C8orf34: variants seen among roughly 807,000 people sequenced by gnomAD.
C8orf34 encodes the protein chromosome 8 open reading frame 34, also known as uncharacterized protein C8orf34.
A neutral mutation model predicts 68.3 loss-of-function variants in C8orf34; 65 were observed. The observed-to-expected ratio is 0.95, with a 90% confidence interval of 0.78 to 1.17. The LOEUF is 1.17. Among genes scored for constraint, C8orf34 ranks in the 50% most tolerant of loss-of-function variants. The pLI is 0.00. For missense variants in C8orf34, 664 were observed against 655.4 expected, an observed-to-expected ratio of 1.01 and a Z score of -0.14; for synonymous variants, 244 against 241.2, an observed-to-expected ratio of 1.01 and a Z score of -0.11.
intron 1 of C8orf34, among the ~76,000 whole-genome samples, chr8:68,399,473 C>G (rs1234118593): frequency 6.6e-6 from 1 of 152,106 alleles, no homozygotes; most frequent in Non-Finnish European, 1.5e-5. Flanking sequence ...CCATCTATGT[C>G]ACTGCAAAAG....
At chr8:68,651,998 A>G (rs922248223) in intron 8 of C8orf34, among the ~76,000 whole-genome samples, 3 of 152,216 alleles carry the variant, frequency 2.0e-5, no homozygotes, top group East Asian at 1.9e-4. Flanking sequence ...AGTGATATCT[A>G]TGGACTGAGT....
chr8:68,701,597 C>T (rs1821018801), intron 8 of C8orf34, among the ~76,000 whole-genome samples: 1 of 152,012 alleles, frequency 6.6e-6, no homozygotes. Context: ...GTTGACCACA[C>T]TCGTCTTTCA....
chr8:68,517,847 A>G (rs1256736233), intron 5 of C8orf34, among the ~76,000 whole-genome samples: 1 of 152,174 alleles, frequency 6.6e-6, no homozygotes, highest in Non-Finnish European at 1.5e-5. Flanking sequence ...TCCAAGCCCA[A>G]TTCTGCCCCA....
Position 68,473,687 on chromosome 8 carries a change from T to C in C8orf34, c.736+4867T>C, listed in dbSNP as rs150585612. ...ACCCTCACTACCTGCCTAAATAATTTCTTTTTAACTCATATGTCAGTTAGT... is the reference window on the plus strand; with the variant it reads ...ACCCTCACTACCTGCCTAAATAATTCCTTTTTAACTCATATGTCAGTTAGT... On this transcript the variant is annotated intron_variant, in intron 4 of 13. Coordinates refer to ENST00000518698, the MANE Select transcript of C8orf34 (RefSeq NM_052958.4). 4.4e-3 allele frequency among the ~76,000 whole-genome samples: 666 copies of C among 152,286 alleles called. 6 individuals are homozygous for C. Among genetic ancestry groups the C allele is most frequent in the African/African-American group, 0.015 (644 of 41,560 alleles).
intron 7 of C8orf34, among the ~76,000 whole-genome samples, chr8:68,548,705 T>C (rs940418143): frequency 2.6e-5 from 4 of 151,784 alleles, no homozygotes; most frequent in Non-Finnish European, 4.4e-5. Flanking sequence ...AAAATATATG[T>C]TCACAAAAAT....
In C8orf34 at chr8:68,787,407, CAG is replaced by C. The variant is rs1470125192; in HGVS notation, c.1456-33_1456-32del. 8.2e-6 allele frequency: 12 copies of C among 1,466,386 alleles called. No homozygotes were observed. The Admixed American group carries it at 1.0e-4, about 13-fold the overall frequency. The allele number at this position is 1,466,386 out of a possible 1,614,324, so 90.8% of individuals were successfully genotyped here. A position where few individuals can be genotyped will look rare whatever the true frequency, so the allele number is the denominator to read the frequency against. The stretch of plus-strand genomic sequence containing the variant: ...CACATTAATGTTCATGATATCAAAA[CAG>C]AGTTTAATCTAAAATAAATGTGTTC... On this transcript the variant is annotated intron_variant, in intron 11 of 13. Coordinates refer to ENST00000518698, the MANE Select transcript of C8orf34 (RefSeq NM_052958.4).
rs965049198 is a variant in C8orf34 at position 68,673,920 on chromosome 8, G to A, written c.1241+33409G>A. On this transcript the variant is annotated intron_variant, in intron 8 of 13. Coordinates refer to ENST00000518698, the MANE Select transcript of C8orf34 (RefSeq NM_052958.4). ...TGTGTTACTCCTCCCCCAGCTCCAG[G>A]CAGCTCAACACACAGCAAGCGACTT... is the stretch of plus-strand genomic sequence containing the variant. Among the ~76,000 whole-genome samples the A allele has an allele frequency of 2.0e-5, 3 of 152,116 alleles. No homozygotes were observed. In the South Asian group the frequency reaches 6.2e-4, roughly 32 times the overall value.
chr8:68,804,492 C>T (rs1027962258), intron 12 of C8orf34, among the ~76,000 whole-genome samples: 2 of 152,078 alleles, frequency 1.3e-5, no homozygotes, highest in Non-Finnish European at 2.9e-5. Flanking sequence ...TTCAGAAAAA[C>T]AACTGGGTTT....
At chr8:68,382,535 G>A (rs1471285262) in intron 1 of C8orf34, among the ~76,000 whole-genome samples, 1 of 152,182 alleles carries the variant, frequency 6.6e-6, no homozygotes, top group Non-Finnish European at 1.5e-5. Flanking sequence ...TACTTTTGCT[G>A]GACCAATGGG....
In C8orf34 at chr8:68,647,269, C is replaced by T. The variant is rs371183063; in HGVS notation, c.1241+6758C>T. On this transcript the variant is annotated intron_variant, in intron 8 of 13. Coordinates refer to ENST00000518698, the MANE Select transcript of C8orf34 (RefSeq NM_052958.4). The stretch of plus-strand genomic sequence containing the variant: ...TATTGCCTAACACCTGATAGAATGG[C>T]CGTCATCAAAAAGATGAAAGAGGAA... 5.3e-5 allele frequency among the ~76,000 whole-genome samples: 8 copies of T among 152,102 alleles called. No individual in the cohort carries two copies. The East Asian group carries it at 1.5e-3, about 29-fold the overall frequency.
At position 68,735,397 on chromosome 8, in the gene C8orf34, C is replaced by CGTA. The variant is rs527640281; in HGVS notation, c.1404+13962_1404+13964dup. 1.6e-3 allele frequency among the ~76,000 whole-genome samples: 238 copies of CGTA among 152,268 alleles called. 2 individuals are homozygous for CGTA. The highest frequency in any genetic ancestry group is 0.014 in the Middle Eastern group (4 of 294). On this transcript the variant is annotated intron_variant, in intron 10 of 13. Coordinates refer to ENST00000518698, the MANE Select transcript of C8orf34 (RefSeq NM_052958.4). ...TTCTTATGGAGCATTAACGATAACA[C>CGTA]GTAGCTGCATCATGTGAATGTTTTG...
chr8:68,574,075 A>G (rs997342612), intron 7 of C8orf34, among the ~76,000 whole-genome samples: 1 of 152,136 alleles, frequency 6.6e-6, no homozygotes, highest in African/African-American at 2.4e-5. Flanking sequence ...TTTTCAAGTA[A>G]TACTAGTGAC....
chr8:68,607,358 C>T (rs1159473440), intron 7 of C8orf34, among the ~76,000 whole-genome samples: 1 of 152,018 alleles, frequency 6.6e-6, no homozygotes, highest in Non-Finnish European at 1.5e-5. Flanking sequence ...AAGGTGTCGG[C>T]AGGGTTGGTT....
intron 8 of C8orf34, among the ~76,000 whole-genome samples, chr8:68,692,337 T>C (rs1820708865): frequency 6.6e-6 from 1 of 152,092 alleles, no homozygotes; most frequent in Non-Finnish European, 1.5e-5. Context: ...GGAAAATTCA[T>C]AATTTTTTCT....
intron 10 of C8orf34, among the ~76,000 whole-genome samples, chr8:68,757,167 G>A (rs1418870632): frequency 2.0e-5 from 3 of 151,336 alleles, no homozygotes; most frequent in South Asian, 4.2e-4. Context: ...TTTTTTTTAT[G>A]ATCAGGATCC....
At chr8:68,646,206 G>A (rs371625925) in intron 8 of C8orf34, among the ~76,000 whole-genome samples, 3 of 152,162 alleles carry the variant, frequency 2.0e-5, no homozygotes, top group African/African-American at 7.2e-5. Flanking sequence ...CACAGTGTCT[G>A]AAAGTGAGTT....
At position 68,668,000 on chromosome 8, in the gene C8orf34, C is replaced by G. The variant is rs75543683; in HGVS notation, c.1241+27489C>G. ...CCATGAAACATCCAACAATGCAAAG[C>G]AGAAAATCTTGGAAGACAGATATCT... On this transcript the variant is annotated intron_variant, in intron 8 of 13. Transcript: ENST00000518698. Among the ~76,000 whole-genome samples the G allele has an allele frequency of 9.9e-3, 1,511 of 152,038 alleles. 39 individuals are homozygous for G. Among genetic ancestry groups the G allele is most frequent in the African/African-American group, 0.034 (1,429 of 41,506 alleles).
intron 1 of C8orf34, among the ~76,000 whole-genome samples, chr8:68,434,150 A>G (rs1459678171): frequency 6.6e-6 from 1 of 152,110 alleles, no homozygotes; most frequent in Non-Finnish European, 1.5e-5. Context: ...CTTTTACTTT[A>G]AGTTCTGGGG....
chr8:68,376,681 G>A, intron 1 of C8orf34, among the ~76,000 whole-genome samples: 1 of 150,476 alleles, frequency 6.6e-6, no homozygotes, highest in East Asian at 2.0e-4. Context: ...AAACTTAATA[G>A]ATCAAAACAA....
Sources: allele counts gnomAD v4.1 joint callset (sites outside exome capture counted in the v4.1 genomes callset), GRCh38; gene constraint gnomAD v4.1.1; transcripts MANE v1.5; gene names NCBI Gene and HGNC (gene_info 2026-07-23, HGNC 2026-07-21).